Variants in RBFOX1 observed in about 807,000 individuals in gnomAD.
RBFOX1 encodes the protein RNA binding protein fox-1 homolog 1.
In RBFOX1, 8 loss-of-function variants were observed where a neutral mutation model predicts 57.7. That is an observed-to-expected ratio of 0.14 (90% CI 0.08 to 0.25). The LOEUF is 0.25. Among genes scored for constraint, RBFOX1 ranks in the 10% least tolerant of loss-of-function variants. RBFOX1 has a pLI of 1.00. For synonymous variants in RBFOX1, 326 were observed against 222.4 expected (o/e 1.47, Z -4.15); for missense variants, 611 against 548.5 (o/e 1.11, Z -1.14).
At chr16:5,552,878 T>G (rs2045518804) in intron 2 of RBFOX1, among the ~76,000 whole-genome samples, 1 of 152,070 alleles carries the variant, frequency 6.6e-6, no homozygotes, top group Non-Finnish European at 1.5e-5. Context: ...GTTCCCATCT[T>G]GATACCCATC....
At chr16:6,251,764 C>G (rs999254907) in intron 1 of RBFOX1, among the ~76,000 whole-genome samples, 15 of 152,004 alleles carry the variant, frequency 9.9e-5, no homozygotes, top group Admixed American at 8.5e-4. Context: ...TCATGCTGCC[C>G]CTAATGACGT....
intron 3 of RBFOX1, among the ~76,000 whole-genome samples, chr16:6,864,081 T>C (rs540371053): frequency 6.7e-6 from 1 of 149,626 alleles, no homozygotes; most frequent in Non-Finnish European, 1.5e-5. Context: ...ACAGGGAGAG[T>C]AGCAGAAAAA....
chr16:6,843,911 G>T (rs550998042), intron 3 of RBFOX1, among the ~76,000 whole-genome samples: 1 of 152,072 alleles, frequency 6.6e-6, no homozygotes, highest in Non-Finnish European at 1.5e-5. Context: ...AATATGGGGG[G>T]GAAATTACCA....
At chr16:7,600,341 A>G (rs2094945854) in intron 9 of RBFOX1, among the ~76,000 whole-genome samples, 1 of 152,176 alleles carries the variant, frequency 6.6e-6, no homozygotes, top group Non-Finnish European at 1.5e-5. Context: ...ATTATGGAGA[A>G]CTTTGGTGTT....
intron 3 of RBFOX1, among the ~76,000 whole-genome samples, chr16:6,801,456 A>T (rs868736780): frequency 6.6e-5 from 10 of 152,188 alleles, no homozygotes; most frequent in Admixed American, 3.9e-4. Context: ...TGTGTAGCCT[A>T]ATAGCAAATA....
At chr16:5,519,110 C>T (rs1471118190) in intron 2 of RBFOX1, among the ~76,000 whole-genome samples, 1 of 152,166 alleles carries the variant, frequency 6.6e-6, no homozygotes, top group Non-Finnish European at 1.5e-5. Context: ...ACCTTGCGGA[C>T]ATCTTGATCT....
At chr16:7,466,538 C>T (rs2060557631) in intron 4 of RBFOX1, among the ~76,000 whole-genome samples, 1 of 152,146 alleles carries the variant, frequency 6.6e-6, no homozygotes, top group African/African-American at 2.4e-5. Context: ...CCACGATGTC[C>T]TGCCTTCATC....
intron 3 of RBFOX1, among the ~76,000 whole-genome samples, chr16:6,664,702 A>G (rs1257788978): frequency 6.6e-6 from 1 of 152,232 alleles, no homozygotes; most frequent in Non-Finnish European, 1.5e-5. Context: ...ACCCACAGAT[A>G]GGCAGGGATG....
intron 3 of RBFOX1, among the ~76,000 whole-genome samples, chr16:5,606,677 G>C (rs140265848): frequency 2.6e-5 from 4 of 152,140 alleles, no homozygotes; most frequent in African/African-American, 7.2e-5. Flanking sequence ...GGCACAATCT[G>C]ATTGCTTTGT....
chr16:6,084,760 C>T (rs2096061167), intron 1 of RBFOX1, among the ~76,000 whole-genome samples: 1 of 147,152 alleles, frequency 6.8e-6, no homozygotes, highest in South Asian at 2.2e-4. Context: ...ATGGGGAAGC[C>T]CAGGCTTGCT....
At chr16:5,388,927 C>G (rs1454845424) in intron 1 of RBFOX1, among the ~76,000 whole-genome samples, 2 of 150,848 alleles carry the variant, frequency 1.3e-5, no homozygotes, top group Non-Finnish European at 1.5e-5. Context: ...CGCGGTGGCT[C>G]ACACCTGTAA....
At chr16:7,055,832 C>T (rs34539602) in intron 4 of RBFOX1, among the ~76,000 whole-genome samples, 1 of 151,936 alleles carries the variant, frequency 6.6e-6, no homozygotes, top group African/African-American at 2.4e-5. Context: ...GGGGTCCACT[C>T]TGTTTGTCAG....
intron 2 of RBFOX1, among the ~76,000 whole-genome samples, chr16:5,519,599 C>G (rs1197159090): frequency 6.6e-6 from 1 of 152,068 alleles, no homozygotes; most frequent in Non-Finnish European, 1.5e-5. Context: ...GTGGTGTATA[C>G]CTGTGGTTTC....
intron 3 of RBFOX1, among the ~76,000 whole-genome samples, chr16:6,795,687 A>C (rs2083851397): frequency 6.6e-6 from 1 of 152,000 alleles, no homozygotes; most frequent in Admixed American, 6.6e-5. Flanking sequence ...AATCGCTTGA[A>C]ACCAGAAGGC....
At chr16:5,979,664 C>G (rs888467935) in intron 4 of RBFOX1, among the ~76,000 whole-genome samples, 2 of 152,124 alleles carry the variant, frequency 1.3e-5, no homozygotes, top group African/African-American at 2.4e-5. Context: ...GAGATCAAGA[C>G]CATCCTGGTC....
At chr16:5,798,751 T>A (rs1400958879) in intron 3 of RBFOX1, among the ~76,000 whole-genome samples, 1 of 152,194 alleles carries the variant, frequency 6.6e-6, no homozygotes, top group Admixed American at 6.5e-5. Flanking sequence ...AGGAAAATCT[T>A]AATTAAGTCA....
At chr16:6,943,686 CGA>C (rs2078962964) in intron 3 of RBFOX1, among the ~76,000 whole-genome samples, 3 of 143,596 alleles carry the variant, frequency 2.1e-5, no homozygotes, top group Non-Finnish European at 4.5e-5. Context: ...CCAGCCTGGG[CGA>C]GAGAGTGAGA....
intron 4 of RBFOX1, among the ~76,000 whole-genome samples, chr16:7,224,127 T>TTAAAA (rs1491185690): frequency 3.8e-5 from 2 of 52,256 alleles, no homozygotes; most frequent in African/African-American, 7.7e-5. Flanking sequence ...TTCCTTTTTC[T>TTAAAA]AAAAAAAAAA....
chr16:7,361,949 TTTTGTGTGTATG>T (rs767353580), intron 4 of RBFOX1, among the ~76,000 whole-genome samples: 3 of 151,202 alleles, frequency 2.0e-5, no homozygotes, highest in African/African-American at 7.3e-5. Flanking sequence ...TGTGTGCATG[TTTTGTGTGTATG>T]TTTGTGTGTA....
Sources: gnomAD v4.1 joint callset for allele counts (sites outside exome capture counted in the v4.1 genomes callset) on GRCh38, gnomAD v4.1.1 for gene constraint, MANE v1.5 for transcripts, NCBI Gene and HGNC (gene_info 2026-07-23, HGNC 2026-07-21) for gene names.